CNTNAP2: variants seen among roughly 807,000 people sequenced by gnomAD.
CNTNAP2 encodes the protein contactin-associated protein-like 2.
Under a neutral mutation model 155.2 loss-of-function variants are expected in CNTNAP2, and 98 were observed. The observed-to-expected ratio is 0.63, with a 90% CI of 0.54 to 0.75. CNTNAP2 has a LOEUF of 0.75. Ranked by LOEUF, CNTNAP2 falls within the 30% of genes least tolerant of loss-of-function variation. The pLI is 0.00. For synonymous variants in CNTNAP2, 651 were observed against 631.2 expected (o/e 1.03, Z -0.47); for missense variants, 1,727 against 1,688.1 (o/e 1.02, Z -0.40).
rs184580813 is a variant in CNTNAP2 at position 147,720,131 on chromosome 7, C to T, written c.2098+80825C>T. 1.4e-4 allele frequency among the ~76,000 whole-genome samples: 22 copies of T among 152,126 alleles called. No individual in the cohort carries two copies. In the East Asian group the frequency reaches 2.3e-3, roughly 16 times the overall value. Reference sequence around the variant, plus strand: ...TTTATAAATTCCAATTTTCCCAAAGCGAAGTGACACACATGTTCCTTTTGT... The same window carrying T: ...TTTATAAATTCCAATTTTCCCAAAGTGAAGTGACACACATGTTCCTTTTGT... On this transcript the variant is annotated intron_variant, in intron 13 of 23. Coordinates refer to ENST00000361727, the MANE Select transcript of CNTNAP2 (RefSeq NM_014141.6).
chr7:147,811,597 T>A (rs1451551755), intron 13 of CNTNAP2, among the ~76,000 whole-genome samples: 1 of 152,210 alleles, frequency 6.6e-6, no homozygotes, highest in African/African-American at 2.4e-5. Context: ...TAATCGTTAC[T>A]GTATTTTATA....
At chr7:146,595,620 T>G (rs1479352581) in intron 1 of CNTNAP2, among the ~76,000 whole-genome samples, 4 of 152,116 alleles carry the variant, frequency 2.6e-5, no homozygotes, top group African/African-American at 9.6e-5. Flanking sequence ...AGCTGCAAAA[T>G]TGCCTATATT....
chr7:147,110,924 G>A (rs969792285), intron 5 of CNTNAP2, among the ~76,000 whole-genome samples: 1 of 152,090 alleles, frequency 6.6e-6, no homozygotes, highest in Non-Finnish European at 1.5e-5. Flanking sequence ...TGGTATTTCT[G>A]CCTCTAGGTC....
chr7:147,021,189 GA>G lies in CNTNAP2; in HGVS notation c.403-22717del, dbSNP rs1798811807. Reference sequence around the variant, plus strand: ...TTTGTAAACTTTATTAAAACCTTATGATTTTTTTTGGCAATTCTTTTTTAGC... The same window carrying G: ...TTTGTAAACTTTATTAAAACCTTATGTTTTTTTTGGCAATTCTTTTTTAGC... On this transcript the variant is annotated intron_variant, in intron 3 of 23. Transcript: ENST00000361727. Among the ~76,000 whole-genome samples the G allele has an allele frequency of 2.0e-5, 3 of 152,010 alleles. No individual in the cohort carries two copies. In the South Asian group the frequency reaches 6.2e-4, roughly 32 times the overall value.
rs1471484165 is a variant in CNTNAP2, at chr7:148,137,445, A to T, written c.2555-10046A>T. Among the ~76,000 whole-genome samples, 6 of 152,214 alleles carry T rather than the reference A, an allele frequency of 3.9e-5. No homozygotes were observed. The East Asian group carries it at 7.7e-4, about 20-fold the overall frequency. On this transcript the variant is annotated intron_variant, in intron 16 of 23. Coordinates refer to ENST00000361727, the MANE Select transcript of CNTNAP2 (RefSeq NM_014141.6). ...GAGGCTGAGGCGGGTGGATCACCTGAGTTCAGGAGTTCGAGACCAGCCTGG... is the reference window on the plus strand; with the variant it reads ...GAGGCTGAGGCGGGTGGATCACCTGTGTTCAGGAGTTCGAGACCAGCCTGG...
chr7:146,255,107 T>C (rs1799818197), intron 1 of CNTNAP2, among the ~76,000 whole-genome samples: 2 of 152,146 alleles, frequency 1.3e-5, no homozygotes, highest in African/African-American at 4.8e-5. Context: ...AATAACCTGT[T>C]GAATAATCAT....
In CNTNAP2 at chr7:146,169,960, A is replaced by T. The variant is rs1017974827; in HGVS notation, c.97+52987A>T. 6.0e-5 allele frequency among the ~76,000 whole-genome samples: 9 copies of T among 149,790 alleles called. No individual in the cohort carries two copies. The Admixed American group carries it at 6.0e-4, about 10-fold the overall frequency. On this transcript the variant is annotated intron_variant, in intron 1 of 23. Transcript: ENST00000361727. ...GGTATCACTTCAAGATATTGATTTC[A>T]TTTGCCTTGGATATATACCCAAAAG...
intron 21 of CNTNAP2, among the ~76,000 whole-genome samples, chr7:148,292,506 G>T (rs1410883044): frequency 6.6e-6 from 1 of 152,202 alleles, no homozygotes; most frequent in Admixed American, 6.5e-5. Context: ...GTTACAGTGT[G>T]TAGCATGCTG....
chr7:146,962,755 T>A (rs1797580283), intron 3 of CNTNAP2: 1 of 152,372 alleles, frequency 6.6e-6, no homozygotes, highest in Non-Finnish European at 1.5e-5. Context: ...TTTGCCATGT[T>A]GGCCAGGCTG....
chr7:148,011,340 A>T (rs7780623), intron 15 of CNTNAP2, among the ~76,000 whole-genome samples: 16,129 of 152,126 alleles, frequency 0.11, 1,198 homozygotes, highest in East Asian at 0.24. Context: ...ATTATACATC[A>T]TTATTCTAGA....
intron 20 of CNTNAP2, among the ~76,000 whole-genome samples, chr7:148,231,983 T>C (rs1795970748): frequency 6.6e-6 from 1 of 152,240 alleles, no homozygotes; most frequent in African/African-American, 2.4e-5. Context: ...CCCTAGGTTC[T>C]GCACCTGGAA....
intron 1 of CNTNAP2, among the ~76,000 whole-genome samples, chr7:146,251,226 C>T (rs1414604206): frequency 1.3e-5 from 2 of 151,680 alleles, no homozygotes; most frequent in Non-Finnish European, 2.9e-5. Flanking sequence ...ATTAAATTAC[C>T]CTGATTCATT....
At chr7:147,341,102 A>G (rs1462842894) in intron 9 of CNTNAP2, among the ~76,000 whole-genome samples, 1 of 114,680 alleles carries the variant, frequency 8.7e-6, no homozygotes, top group Non-Finnish European at 2.1e-5. Flanking sequence ...ATATATATAC[A>G]TATATTTATA....
chr7:146,969,313 G>C (rs1425656973), intron 3 of CNTNAP2, among the ~76,000 whole-genome samples: 2 of 152,134 alleles, frequency 1.3e-5, no homozygotes, highest in East Asian at 3.9e-4. Flanking sequence ...GAGGTCTGTA[G>C]ATGTCTATTA....
intron 1 of CNTNAP2, among the ~76,000 whole-genome samples, chr7:146,404,490 C>T (rs1322750685): frequency 6.6e-6 from 1 of 152,202 alleles, no homozygotes; most frequent in Non-Finnish European, 1.5e-5. Flanking sequence ...ACTGTAATAA[C>T]TTCCTAACTG....
chr7:147,057,757 T>A (rs1799589524), intron 4 of CNTNAP2, among the ~76,000 whole-genome samples: 1 of 152,210 alleles, frequency 6.6e-6, no homozygotes, highest in Non-Finnish European at 1.5e-5. Context: ...TCCTAGGAAC[T>A]ACGAAAGGAA....
chr7:146,277,395 T>A (rs1243270007), intron 1 of CNTNAP2, among the ~76,000 whole-genome samples: 4 of 152,156 alleles, frequency 2.6e-5, no homozygotes, highest in African/African-American at 9.7e-5. Flanking sequence ...CCACTGATGT[T>A]ACATTGAACA....
chr7:147,441,900 C>T (rs1286114232), intron 10 of CNTNAP2, among the ~76,000 whole-genome samples: 1 of 137,014 alleles, frequency 7.3e-6, no homozygotes, highest in Non-Finnish European at 1.6e-5. Flanking sequence ...TGTTCTGAGC[C>T]ACGTGGAGCT....
At chr7:147,414,935 CCTT>C (rs1172502852) in intron 10 of CNTNAP2, among the ~76,000 whole-genome samples, 2 of 107,070 alleles carry the variant, frequency 1.9e-5, no homozygotes, top group Non-Finnish European at 3.6e-5. Flanking sequence ...GAGAGAGACT[CCTT>C]CTCAAAAAAA....
Sources: allele counts gnomAD v4.1 joint callset (sites outside exome capture counted in the v4.1 genomes callset), GRCh38; gene constraint gnomAD v4.1.1; transcripts MANE v1.5; gene names NCBI Gene and HGNC (gene_info 2026-07-23, HGNC 2026-07-21).